The following SEMA6A variants were observed in gnomAD, a reference collection of about 807,000 sequenced individuals.
SEMA6A encodes semaphorin-6A.
SEMA6A carries 25 observed loss-of-function variants against 96.8 expected under a neutral mutation model. That is an observed-to-expected ratio of 0.26 (90% confidence interval 0.19 to 0.36). The LOEUF is 0.36. Among genes scored for constraint, SEMA6A ranks in the 10% least tolerant of loss-of-function variants. SEMA6A has a pLI of 1.00. For missense variants in SEMA6A, 1,363 were observed against 1,323.1 expected (o/e 1.03, Z -0.47); for synonymous variants, 612 against 518.0 (o/e 1.18, Z -2.46).
intron 18 of SEMA6A, among the ~76,000 whole-genome samples, chr5:116,450,436 A>C (rs1341189296): frequency 6.6e-6 from 1 of 152,232 alleles, no homozygotes; most frequent in Non-Finnish European, 1.5e-5. Context: ...GGAAAGAGTA[A>C]AGCTAGAGCA....
intron 1 of SEMA6A, among the ~76,000 whole-genome samples, chr5:116,558,157 T>A (rs994680882): frequency 6.6e-6 from 1 of 152,256 alleles, no homozygotes; most frequent in South Asian, 2.1e-4. Context: ...AATCCTGTTT[T>A]GTTTTCCTTT....
chr5:116,447,940 C>A, intron 18 of SEMA6A, 129 bp from the exon 19 acceptor site: 1 of 766,932 alleles, frequency 1.3e-6, no homozygotes, highest in Non-Finnish European at 2.1e-6. Flanking sequence ...ACTTGTCTTC[C>A]AAGCTCAGCT....
intron 1 of SEMA6A, among the ~76,000 whole-genome samples, chr5:116,532,319 G>A (rs1759521126): frequency 6.6e-6 from 1 of 152,122 alleles, no homozygotes; most frequent in African/African-American, 2.4e-5. Context: ...ATAGAAAGTG[G>A]GGTCAGGCGG....
At chr5:116,514,332 T>C (rs1418067226) in intron 1 of SEMA6A, among the ~76,000 whole-genome samples, 1 of 152,168 alleles carries the variant, frequency 6.6e-6, no homozygotes, top group Non-Finnish European at 1.5e-5. Context: ...TGGTGTGAGA[T>C]GGTATCTGAT....
Position 116,447,438 on chromosome 5 carries a change from G to T in SEMA6A, c.2268C>A (p.Pro756=), listed in dbSNP as rs770816529. 1.2e-6 allele frequency: 2 copies of T among 1,613,976 alleles called. No homozygotes were observed. The highest frequency in any genetic ancestry group is 1.3e-5 in the African/African-American group (1 of 74,962). Residue 756 remains proline, a synonymous_variant, in exon 19 of 19, where the codon CCC becomes CCA. Coordinates refer to ENST00000343348, the MANE Select transcript of SEMA6A (RefSeq NM_020796.5). ...GCAGCGTTGGGGTTGACTCTGGGGT[G>T]GGGAGGGCCGTCAGGTCCAGGTGGT... The part of the protein sequence containing the change: ...DQHHLDLTAL[P]TPESTPTLQQ...
chr5:116,487,792 A>G (rs1757132898), intron 9 of SEMA6A, among the ~76,000 whole-genome samples: 2 of 152,182 alleles, frequency 1.3e-5, no homozygotes, highest in African/African-American at 4.8e-5. Context: ...TGAACCCGGG[A>G]GGTAGAGGTT....
chr5:116,518,489 G>GGA (rs1758771838), intron 1 of SEMA6A, among the ~76,000 whole-genome samples: 1 of 152,156 alleles, frequency 6.6e-6, no homozygotes, highest in South Asian at 2.1e-4. Flanking sequence ...TGCCAGACCA[G>GGA]AATAAGGAGG....
At chr5:116,463,796 CTTT>C (rs1755561213) in intron 18 of SEMA6A, among the ~76,000 whole-genome samples, 1 of 152,164 alleles carries the variant, frequency 6.6e-6, no homozygotes, top group Non-Finnish European at 1.5e-5. Context: ...CACAAGAACT[CTTT>C]ATTATAAAAT....
chr5:116,551,470 A>C (rs1760407945), intron 1 of SEMA6A, among the ~76,000 whole-genome samples: 1 of 152,162 alleles, frequency 6.6e-6, no homozygotes, highest in Non-Finnish European at 1.5e-5. Context: ...ATGGGAACTC[A>C]AGGGAATGTA....
At chr5:116,476,861 A>G (rs1008615151) in intron 15 of SEMA6A, among the ~76,000 whole-genome samples, 15 of 152,186 alleles carry the variant, frequency 9.9e-5, no homozygotes, top group African/African-American at 1.7e-4. Flanking sequence ...CAGAGACTCA[A>G]CCTTTTGCAT....
At chr5:116,470,365 A>G (rs1178048854) in intron 17 of SEMA6A, among the ~76,000 whole-genome samples, 2 of 152,216 alleles carry the variant, frequency 1.3e-5, no homozygotes, top group Non-Finnish European at 2.9e-5. Context: ...TGGAATCTAT[A>G]TTTTTGTCTT....
intron 18 of SEMA6A, among the ~76,000 whole-genome samples, chr5:116,453,466 C>G (rs1186224578): frequency 6.6e-6 from 1 of 152,136 alleles, no homozygotes; most frequent in African/African-American, 2.4e-5. Flanking sequence ...GAAAGGTGCT[C>G]AGTAAATATC....
intron 1 of SEMA6A, among the ~76,000 whole-genome samples, chr5:116,521,570 T>C (rs1758949183): frequency 6.6e-6 from 1 of 152,200 alleles, no homozygotes; most frequent in Non-Finnish European, 1.5e-5. Context: ...CACATGTGTG[T>C]TTAGAATAGA....
chr5:116,481,679 A>C (rs756653334), intron 11 of SEMA6A, among the ~76,000 whole-genome samples: 2 of 152,178 alleles, frequency 1.3e-5, no homozygotes, highest in Non-Finnish European at 2.9e-5. Context: ...CTTGGAGTGC[A>C]AATGCTGCAA....
intron 1 of SEMA6A, among the ~76,000 whole-genome samples, chr5:116,537,486 C>T (rs751221378): frequency 2.0e-4 from 31 of 152,038 alleles, no homozygotes; most frequent in Non-Finnish European, 4.3e-4. Flanking sequence ...GAACTAGAAC[C>T]CCTAGGATAT....
intron 3 of SEMA6A, among the ~76,000 whole-genome samples, chr5:116,497,830 G>T (rs573431666): frequency 1.3e-5 from 2 of 152,126 alleles, no homozygotes; most frequent in Non-Finnish European, 2.9e-5. Flanking sequence ...GATCTCCATC[G>T]CCCTCTCTCT....
chr5:116,507,113 G>A (rs551970966), intron 1 of SEMA6A, among the ~76,000 whole-genome samples: 1 of 152,278 alleles, frequency 6.6e-6, no homozygotes, highest in Admixed American at 6.5e-5. Flanking sequence ...CCTGCAGCCA[G>A]CATCATTTAA....
chr5:116,494,106 C>T (rs954493497), intron 6 of SEMA6A, among the ~76,000 whole-genome samples: 3 of 152,250 alleles, frequency 2.0e-5, no homozygotes, highest in South Asian at 4.1e-4. Flanking sequence ...TAAATCCTAC[C>T]GGTTTGGTTT....
chr5:116,526,710 C>G (rs1478415835), intron 1 of SEMA6A, among the ~76,000 whole-genome samples: 1 of 152,164 alleles, frequency 6.6e-6, no homozygotes, highest in Admixed American at 6.5e-5. Context: ...CTATAGATTG[C>G]ACTAGGCTTT....
Sources: gnomAD v4.1 joint callset for allele counts (sites outside exome capture counted in the v4.1 genomes callset) on GRCh38, gnomAD v4.1.1 for gene constraint, MANE v1.5 for transcripts, NCBI Gene and HGNC (gene_info 2026-07-23, HGNC 2026-07-21) for gene names.